Variants in RET observed in about 807,000 individuals in gnomAD.
The protein encoded by RET is ret proto-oncogene, also known as proto-oncogene tyrosine-protein kinase receptor Ret.
Under a neutral mutation model 118.3 loss-of-function variants are expected in RET, and 19 were observed. The observed-to-expected ratio is 0.16, with a 90% CI of 0.11 to 0.24. RET has a LOEUF of 0.24. RET is among the 10% of genes least tolerant of loss of function. The pLI, the probability that RET is intolerant of heterozygous loss-of-function variation, is 1.00. For missense variants in RET, 1,219 were observed against 1,502.1 expected, an observed-to-expected ratio of 0.81 and a Z score of 3.12; for synonymous variants, 597 against 644.1, an observed-to-expected ratio of 0.93 and a Z score of 1.11.
chr10:43,096,901 C>T (rs753854225), intron 1 of RET, among the ~76,000 whole-genome samples: 12 of 152,244 alleles, frequency 7.9e-5, no homozygotes, highest in Non-Finnish European at 1.6e-4. Context: ...CCACCTTGGA[C>T]CATGTGTTTT....
intron 7 of RET, 128 bp from the exon 8 acceptor site, chr10:43,111,971 C>G (rs1837944557): frequency 7.5e-7 from 1 of 1,333,430 alleles, no homozygotes; most frequent in East Asian, 2.5e-5. Context: ...TGCCCTGGGT[C>G]TGTCACTCCG....
In RET at chr10:43,083,296, T is replaced by G. The variant is rs138186541; in HGVS notation, c.73+5965T>G. ...CTCGTGACCCGGGAAAGCCTCAAAT[T>G]GTCTTTGCTCCCCTAGCCTCCCCAC... On this transcript the variant is annotated intron_variant, in intron 1 of 19. Coordinates refer to ENST00000355710, the MANE Select transcript of RET (RefSeq NM_020975.6). Among the ~76,000 whole-genome samples, 935 of 152,294 alleles carry G rather than the reference T, an allele frequency of 6.1e-3. 12 individuals carry two copies. Among genetic ancestry groups the G allele is most frequent in the Admixed American group, 0.027 (419 of 15,296 alleles).
chr10:43,108,932 C>T, intron 5 of RET, 99 bp from the exon 6 acceptor site: 3 of 1,203,578 alleles, frequency 2.5e-6, no homozygotes, highest in East Asian at 2.3e-5. Flanking sequence ...TGCGTGTTTG[C>T]ACCAGTGTGA....
chr10:43,119,763 T>C lies in RET; in HGVS notation c.2607+18T>C, dbSNP rs2132952104. ...AGATGAAGGTGCGTGCATATGGCTC[T>C]GCACCCAGCCAGCCCCGGCCAGGCC... On this transcript the variant is annotated intron_variant, in intron 14 of 19. Coordinates refer to ENST00000355710, the MANE Select transcript of RET (RefSeq NM_020975.6). 1 of 1,610,590 alleles carries C rather than the reference T, an allele frequency of 6.2e-7. No individual in the cohort carries two copies. The highest frequency in any genetic ancestry group is 8.5e-7 in the Non-Finnish European group (1 of 1,178,816).
In RET at chr10:43,077,086, A is replaced by T. The variant is rs1359755826; in HGVS notation, c.-173A>T. The T allele has an allele frequency of 2.1e-6, 2 of 938,580 alleles. No homozygotes were observed. Among genetic ancestry groups the T allele is most frequent in the Non-Finnish European group, 2.8e-6 (2 of 726,604 alleles). 58.1% of individuals were successfully genotyped at this position (938,580 alleles called of 1,614,324 possible). ...CTCGCTTCAGTCCCGCGACCGAAGC[A>T]GGGCGCGCAGCAGCGCTGAGTGCCC... On this transcript the variant is annotated 5_prime_UTR_variant, in exon 1 of 20. Transcript: ENST00000355710.
At chr10:43,101,594 T>G (rs1266546800) in intron 2 of RET, among the ~76,000 whole-genome samples, 2 of 152,180 alleles carry the variant, frequency 1.3e-5, no homozygotes, top group Admixed American at 6.5e-5. Flanking sequence ...AGGGTGGAGC[T>G]TGAGGAATGG....
intron 15 of RET, among the ~76,000 whole-genome samples, chr10:43,121,530 A>G (rs941374289): frequency 6.6e-6 from 1 of 152,202 alleles, no homozygotes; most frequent in Non-Finnish European, 1.5e-5. Flanking sequence ...CCTTCCCTCA[A>G]GGCTCCTTCA....
At chr10:43,080,017 A>G (rs940882683) in intron 1 of RET, among the ~76,000 whole-genome samples, 1 of 152,144 alleles carries the variant, frequency 6.6e-6, no homozygotes, top group Admixed American at 6.5e-5. Flanking sequence ...GGGGCCTGCA[A>G]GCAGAGAGCA....
At chr10:43,124,634 A>G (rs908205487) in intron 17 of RET, among the ~76,000 whole-genome samples, 2 of 152,232 alleles carry the variant, frequency 1.3e-5, no homozygotes, top group East Asian at 3.8e-4. Context: ...AGGGAAGGGA[A>G]GCTTGTAGGA....
At chr10:43,111,145 C>T (rs2132764008) in intron 6 of RET, 62 bp from the exon 7 acceptor site, 2 of 1,605,688 alleles carry the variant, frequency 1.2e-6, no homozygotes, top group South Asian at 2.2e-5. Flanking sequence ...GGAATCTCTA[C>T]CCTCAGGCCA....
intron 1 of RET, among the ~76,000 whole-genome samples, chr10:43,083,036 G>A (rs534728190): frequency 2.2e-4 from 33 of 152,300 alleles, no homozygotes; most frequent in East Asian, 1.2e-3. Context: ...CCTGTAGGGC[G>A]TCTGCCAGCC....
At chr10:43,083,112 C>T (rs927049887) in intron 1 of RET, among the ~76,000 whole-genome samples, 4 of 152,212 alleles carry the variant, frequency 2.6e-5, no homozygotes, top group African/African-American at 7.2e-5. Flanking sequence ...AGGGAAACAA[C>T]GGGGCTCATG....
chr10:43,079,043 C>T (rs898086802), intron 1 of RET, among the ~76,000 whole-genome samples: 4 of 152,222 alleles, frequency 2.6e-5, no homozygotes, highest in Admixed American at 6.5e-5. Flanking sequence ...CCCCAGTGAG[C>T]CCCTCGGTGC....
chr10:43,114,376 C>T lies in RET; in HGVS notation c.1880-104C>T, dbSNP rs575517515. ...CTCCATGGCCACTTCCCAGCTGGCG[C>T]GGACACGGCAGGCTGGAGAGCCATG... On this transcript the variant is annotated intron_variant, in intron 10 of 19. Transcript: ENST00000355710. The surrounding 1 kb of genome is among the most constrained non-coding windows in gnomAD (Gnocchi z 4.6). 2.5e-5 allele frequency: 37 copies of T among 1,504,550 alleles called. No individual in the cohort carries two copies. The South Asian group carries it at 4.0e-4, about 16-fold the overall frequency. The allele number at this position is 1,504,550 out of a possible 1,614,324, so 93.2% of individuals were successfully genotyped here. A position where few individuals can be genotyped will look rare whatever the true frequency, so the allele number is the denominator to read the frequency against.
chr10:43,110,976 C>T (rs1160807779), intron 6 of RET, among the ~76,000 whole-genome samples: 1 of 152,078 alleles, frequency 6.6e-6, no homozygotes, highest in African/African-American at 2.4e-5. Flanking sequence ...CTCCCAGGAA[C>T]AGGGGCAGCT....
chr10:43,111,045 T>A (rs550258491), intron 6 of RET, among the ~76,000 whole-genome samples, 162 bp from the exon 7 acceptor site: 1 of 152,012 alleles, frequency 6.6e-6, no homozygotes, highest in East Asian at 1.9e-4. Flanking sequence ...TGGGTGGGTA[T>A]GAAGGCTCTG....
chr10:43,099,287 A>G (rs965005457), intron 1 of RET, among the ~76,000 whole-genome samples: 5 of 152,132 alleles, frequency 3.3e-5, no homozygotes, highest in African/African-American at 1.2e-4. Flanking sequence ...AGGCGGGCGG[A>G]TCGCCGGAGG....
At position 43,101,218 on chromosome 10, in the gene RET, G is replaced by T. The variant is rs529085496; in HGVS notation, c.337+496G>T. 5.3e-5 allele frequency among the ~76,000 whole-genome samples: 8 copies of T among 152,042 alleles called. No individual in the cohort carries two copies. The South Asian group carries it at 1.7e-3, about 32-fold the overall frequency. Reference sequence around the variant, plus strand: ...GAGGAGCAGTCAGAGCCAGAGTCACGGCCACATGTGACATTGGTAATGGGA... The same window carrying T: ...GAGGAGCAGTCAGAGCCAGAGTCACTGCCACATGTGACATTGGTAATGGGA... On this transcript the variant is annotated intron_variant, in intron 2 of 19. Coordinates refer to ENST00000355710, the MANE Select transcript of RET (RefSeq NM_020975.6).
intron 8 of RET, 35 bp downstream of exon 8, chr10:43,112,259 G>A: frequency 6.5e-7 from 1 of 1,550,366 alleles, no homozygotes; most frequent in South Asian, 1.2e-5. Flanking sequence ...AGGCCTGCAG[G>A]GGCGATGGCA....
Sources: gnomAD v4.1 joint callset for allele counts (sites outside exome capture counted in the v4.1 genomes callset) on GRCh38, gnomAD v4.1.1 for gene constraint, Gnocchi (gnomAD v3.1) non-coding constraint, MANE v1.5 for transcripts, NCBI Gene and HGNC (gene_info 2026-07-23, HGNC 2026-07-21) for gene names.